The following MSI2 variants were observed in gnomAD, a reference collection of about 807,000 sequenced individuals.
The protein encoded by MSI2 is musashi RNA binding protein 2, also known as RNA-binding protein Musashi homolog 2.
MSI2 carries 17 observed loss-of-function variants against 45.6 expected under a neutral mutation model. The observed-to-expected ratio is 0.37, with a 90% CI of 0.26 to 0.56. The LOEUF (loss-of-function observed/expected upper bound fraction) is 0.56. MSI2 is among the 20% of genes least tolerant of loss of function. The pLI is 0.77. For synonymous variants in MSI2, 156 were observed against 158.2 expected, an observed-to-expected ratio of 0.99 and a Z score of 0.11; for missense variants, 293 against 444.2, an observed-to-expected ratio of 0.66 and a Z score of 3.06.
chr17:57,444,051 G>C (rs559358729), intron 6 of MSI2, among the ~76,000 whole-genome samples: 3 of 152,246 alleles, frequency 2.0e-5, no homozygotes, highest in Admixed American at 6.5e-5. Context: ...CAAGAAACGG[G>C]AGAACCTAAG....
At chr17:57,527,464 C>CCG (rs1555618915) in intron 6 of MSI2, among the ~76,000 whole-genome samples, 1 of 144,288 alleles carries the variant, frequency 6.9e-6, no homozygotes, top group East Asian at 2.0e-4. Context: ...AGGTTACCGT[C>CCG]GGCGGGGGCT....
At chr17:57,637,186 G>A (rs535161798) in intron 10 of MSI2, among the ~76,000 whole-genome samples, 1 of 152,316 alleles carries the variant, frequency 6.6e-6, no homozygotes, top group Admixed American at 6.5e-5. Flanking sequence ...TATACTTGGG[G>A]CCTATCCTCT....
At chr17:57,576,628 C>A (rs952840319) in intron 7 of MSI2, among the ~76,000 whole-genome samples, 1 of 151,924 alleles carries the variant, frequency 6.6e-6, no homozygotes, top group Non-Finnish European at 1.5e-5. Context: ...GTGGTGCATG[C>A]CTGTAATCCC....
chr17:57,682,505 T>C lies in MSI2; in HGVS notation c.*2988T>C, dbSNP rs956987719. On this transcript the variant is annotated 3_prime_UTR_variant, in exon 14 of 14. Transcript: ENST00000284073. ...GAAATTGATAATCTGTGTGAATATGTTTTAGATGTTTATATACCTTTTGAA... is the reference window on the plus strand; with the variant it reads ...GAAATTGATAATCTGTGTGAATATGCTTTAGATGTTTATATACCTTTTGAA... 9.7e-6 allele frequency: 2 copies of C among 205,628 alleles called. No homozygotes were observed. The highest frequency in any genetic ancestry group is 4.6e-5 in the African/African-American group (2 of 43,758). The allele number at this position is 205,628 out of a possible 1,614,324, so 12.7% of individuals were successfully genotyped here. A position where few individuals can be genotyped will look rare whatever the true frequency, so the allele number is the denominator to read the frequency against.
chr17:57,579,971 TCCACAAATAATAAC>T (rs2088157529), intron 7 of MSI2, among the ~76,000 whole-genome samples: 1 of 151,786 alleles, frequency 6.6e-6, no homozygotes, highest in African/African-American at 2.4e-5. Flanking sequence ...CCATTCATAG[TCCACAAATAATAAC>T]CCACATGTTC....
chr17:57,440,634 G>A (rs2084782881), intron 6 of MSI2: 1 of 152,216 alleles, frequency 6.6e-6, no homozygotes, highest in Non-Finnish European at 1.5e-5. Context: ...TTGAATGAAT[G>A]GCAGTCTGTG....
At chr17:57,526,667 T>C (rs2086709487) in intron 6 of MSI2, among the ~76,000 whole-genome samples, 1 of 152,172 alleles carries the variant, frequency 6.6e-6, no homozygotes. Context: ...ATCGCATTGA[T>C]GGCTTCTCTG....
rs183487310 is a variant in MSI2, at chr17:57,666,987, G to A, written c.791-7985G>A. ...TAAGAGACAGTAGGGAGTTGTCTCC[G>A]GGCAGCAAGCTCCCTGTCTATTTCC... On this transcript the variant is annotated intron_variant, in intron 11 of 13. Transcript: ENST00000284073. Among the ~76,000 whole-genome samples the A allele has an allele frequency of 7.2e-4, 109 of 152,294 alleles. 1 individual carries two copies. In the East Asian group the frequency reaches 0.014, roughly 19 times the overall value.
intron 7 of MSI2, among the ~76,000 whole-genome samples, chr17:57,580,818 A>C (rs1284763897): frequency 1.3e-5 from 2 of 152,074 alleles, no homozygotes; most frequent in East Asian, 3.8e-4. Context: ...GGCTCTGCTA[A>C]AGCTCTTATC....
intron 6 of MSI2, among the ~76,000 whole-genome samples, chr17:57,501,417 G>C (rs549187507): frequency 4.4e-4 from 67 of 152,312 alleles, no homozygotes; most frequent in Non-Finnish European, 8.5e-4. Context: ...AGGGGAAGAG[G>C]CTTCATCAGT....
chr17:57,377,876 C>A (rs1247450623), intron 5 of MSI2, among the ~76,000 whole-genome samples: 1 of 152,042 alleles, frequency 6.6e-6, no homozygotes, highest in Non-Finnish European at 1.5e-5. Flanking sequence ...GAGATCAAGA[C>A]CATCCTGGCC....
the MSI2 span, among the ~76,000 whole-genome samples, chr17:57,700,431 A>C: frequency 6.6e-6 from 1 of 152,250 alleles, no homozygotes; most frequent in Non-Finnish European, 1.5e-5. Flanking sequence ...ATATTGAAGA[A>C]GCATAAAAGT....
At chr17:57,649,792 C>T (rs753587863) in intron 10 of MSI2, among the ~76,000 whole-genome samples, 1 of 152,210 alleles carries the variant, frequency 6.6e-6, no homozygotes, top group Non-Finnish European at 1.5e-5. Flanking sequence ...AGGAGGACGG[C>T]TGTGCAGGAT....
chr17:57,354,652 A>G (rs1382907189), intron 5 of MSI2, among the ~76,000 whole-genome samples: 1 of 151,894 alleles, frequency 6.6e-6, no homozygotes, highest in Non-Finnish European at 1.5e-5. Context: ...ATAAGTGTGA[A>G]CCTCCAGGAA....
At chr17:57,274,737 G>T (rs926900239) in intron 5 of MSI2, among the ~76,000 whole-genome samples, 1 of 152,230 alleles carries the variant, frequency 6.6e-6, no homozygotes, top group African/African-American at 2.4e-5. Context: ...TTTGGATTCA[G>T]ACAAATTCAT....
chr17:57,471,127 C>T (rs1283322736), intron 6 of MSI2, among the ~76,000 whole-genome samples: 1 of 152,092 alleles, frequency 6.6e-6, no homozygotes, highest in East Asian at 1.9e-4. Context: ...CACACCCTAC[C>T]CCCTACTCTT....
intron 9 of MSI2, among the ~76,000 whole-genome samples, chr17:57,621,684 T>C (rs1024487000): frequency 7.9e-5 from 12 of 152,254 alleles, no homozygotes; most frequent in African/African-American, 2.9e-4. Flanking sequence ...AGCATATAGT[T>C]GCACAGTTAT....
intron 6 of MSI2, among the ~76,000 whole-genome samples, chr17:57,493,813 G>T (rs2085923071): frequency 6.6e-6 from 1 of 152,066 alleles, no homozygotes; most frequent in Non-Finnish European, 1.5e-5. Context: ...TTTCATGTGG[G>T]CATGAAAGTG....
intron 6 of MSI2, among the ~76,000 whole-genome samples, chr17:57,452,645 CT>C (rs2143560387): frequency 6.6e-6 from 1 of 152,352 alleles, no homozygotes; most frequent in Admixed American, 6.5e-5. Flanking sequence ...AAAGATTGCT[CT>C]CTAAGATGGT....
Sources: allele counts gnomAD v4.1 joint callset (sites outside exome capture counted in the v4.1 genomes callset), GRCh38; gene constraint gnomAD v4.1.1; transcripts MANE v1.5; gene names NCBI Gene and HGNC (gene_info 2026-07-23, HGNC 2026-07-21).